METTL5: variants seen among roughly 807,000 people sequenced by gnomAD.
The protein encoded by METTL5 is rRNA N(6)-adenosine-methyltransferase METTL5.
In METTL5, 28 loss-of-function variants were observed where a neutral mutation model predicts 26.5. The observed-to-expected ratio is 1.06, with a 90% CI of 0.78 to 1.45. The LOEUF (loss-of-function observed/expected upper bound fraction) is 1.45, where lower values mean the gene tolerates loss of function less well. Among genes scored for constraint, METTL5 ranks in the 40% most tolerant of loss-of-function variants. The pLI is 0.00. For missense variants in METTL5, 231 were observed against 249.9 expected, an observed-to-expected ratio of 0.92 and a Z score of 0.51; for synonymous variants, 86 against 82.6, an observed-to-expected ratio of 1.04 and a Z score of -0.22.
At chr2:169,821,408 C>A in intron 2 of METTL5, 135 bp from the exon 3 acceptor site, 1 of 522,662 alleles carries the variant, frequency 1.9e-6, no homozygotes, top group Non-Finnish European at 3.2e-6. Flanking sequence ...GTGTTTTCTT[C>A]TTTTTTTTTT....
Position 169,819,618 on chromosome 2 carries a change from A to G in METTL5, c.432T>C (p.Thr144=). 1 of 1,613,246 alleles carries G rather than the reference A, an allele frequency of 6.2e-7. No individual in the cohort carries two copies. Among genetic ancestry groups the G allele is most frequent in the East Asian group, 2.2e-5 (1 of 44,774 alleles). ...CTGCTGTTCTTGCCATTTCCAAAGCAGTCTTTAGAAAAGCCATATCTGTCC... is the reference window on the plus strand; with the variant it reads ...CTGCTGTTCTTGCCATTTCCAAAGCGGTCTTTAGAAAAGCCATATCTGTCC... ...NKGTDMAFLK[T]ALEMARTAVY... The change falls in exon 4 of 7, where the codon ACT becomes ACC. Residue 144 remains threonine (T), a synonymous_variant. Coordinates refer to ENST00000260953, the MANE Select transcript of METTL5 (RefSeq NM_014168.4).
chr2:169,814,468 CAAAAA>C (rs572823948), intron 5 of METTL5, among the ~76,000 whole-genome samples: 1 of 57,544 alleles, frequency 1.7e-5, no homozygotes, highest in Admixed American at 3.2e-4. Flanking sequence ...GGCTTTGTCT[CAAAAA>C]AAAAAAAAGA....
intron 1 of METTL5, among the ~76,000 whole-genome samples, chr2:169,822,603 C>CT (rs1312907691): frequency 3.9e-4 from 58 of 147,440 alleles, no homozygotes; most frequent in Admixed American, 1.1e-3. Context: ...CTTTTTTTTT[C>CT]TTTTTTTTTT....
intron 4 of METTL5, among the ~76,000 whole-genome samples, chr2:169,816,510 C>T (rs1245575165): frequency 2.6e-5 from 4 of 152,116 alleles, no homozygotes; most frequent in Non-Finnish European, 5.9e-5. Context: ...GCAAAAAGAA[C>T]AAAGCTGGAA....
chr2:169,812,601 T>C, intron 5 of METTL5, 95 bp from the exon 6 acceptor site: 1 of 1,373,238 alleles, frequency 7.3e-7, no homozygotes, highest in Middle Eastern at 2.1e-4. Context: ...AAGAAAAGTG[T>C]TAAGTGCTGG....
At chr2:169,822,917 G>T (rs939283561) in intron 1 of METTL5, among the ~76,000 whole-genome samples, 1 of 152,126 alleles carries the variant, frequency 6.6e-6, no homozygotes, top group Non-Finnish European at 1.5e-5. Context: ...CACCACCACC[G>T]ATATTTCCCT....
In METTL5 at chr2:169,824,521, A is replaced by G. The variant is rs1399466328; in HGVS notation, c.77T>C (p.Leu26Pro). 2 of 1,614,094 alleles carry G rather than the reference A, an allele frequency of 1.2e-6. No homozygotes were observed. The highest frequency in any genetic ancestry group is 2.7e-5 in the African/African-American group (2 of 74,932). Residue 26 changes from leucine (L) to proline (P), a missense_variant, in exon 1 of 7, where the codon CTG becomes CCG. Transcript: ENST00000260953. ...VDGFEKPKLL[L>P]EQYPTRPHIA... ...GTGCGGCCTGGTAGGATACTGTTCCAGAAGTAGCTTGGGCTTTTCAAATCC... is the reference window on the plus strand; with the variant it reads ...GTGCGGCCTGGTAGGATACTGTTCCGGAAGTAGCTTGGGCTTTTCAAATCC...
rs2081492515 is a variant in METTL5 at position 169,815,459 on chromosome 2, G to C, written c.541+18C>G. 1 of 1,572,328 alleles carries C rather than the reference G, an allele frequency of 6.4e-7. No homozygotes were observed. Among genetic ancestry groups the C allele is most frequent in the East Asian group, 2.2e-5 (1 of 44,490 alleles). ...ACATGTTGGCCCTTTTGGATATTAGGATTGAGATTTGTCTTACCTGCTATA... is the reference window on the plus strand; with the variant it reads ...ACATGTTGGCCCTTTTGGATATTAGCATTGAGATTTGTCTTACCTGCTATA... On this transcript the variant is annotated intron_variant, in intron 5 of 6. Transcript: ENST00000260953.
In METTL5 at chr2:169,821,975, T is replaced by C. The variant is rs2081591059; in HGVS notation, c.192A>G (p.Val64=). ...CTAACATTGCAGTTCCGATGCTAAG[T>C]ACTCCACAACCACATCCTAGATCTG... ...VVADLGCGCG[V]LSIGTAMLGA... The change falls in exon 2 of 7, where the codon GTA becomes GTG. Residue 64 remains valine (V), a synonymous_variant. Coordinates refer to ENST00000260953, the MANE Select transcript of METTL5 (RefSeq NM_014168.4). The C allele has an allele frequency of 1.2e-6, 2 of 1,613,764 alleles. No homozygotes were observed. Among genetic ancestry groups the C allele is most frequent in the South Asian group, 1.1e-5 (1 of 91,078 alleles).
rs573443842 is a variant in METTL5, at chr2:169,815,953, G to A, written c.490-425C>T. On this transcript the variant is annotated intron_variant, in intron 4 of 6. Coordinates refer to ENST00000260953, the MANE Select transcript of METTL5 (RefSeq NM_014168.4). ...GAATACCATTGTGTTACAATTGCCT[G>A]TAGTATTCAATACAGTAATAGGTTG... Among the ~76,000 whole-genome samples, 11 of 152,196 alleles carry A rather than the reference G, an allele frequency of 7.2e-5. No homozygotes were observed. The East Asian group carries it at 1.5e-3, about 21-fold the overall frequency.
At chr2:169,821,845 T>G in intron 2 of METTL5, 98 bp downstream of exon 2, 1 of 1,098,496 alleles carries the variant, frequency 9.1e-7, no homozygotes, top group Non-Finnish European at 1.3e-6. Flanking sequence ...TCCCTATATC[T>G]CATTCTGTGG....
chr2:169,824,506 G>T lies in METTL5; in HGVS notation c.92C>A (p.Thr31Asn). ...CGCCCTACCTGCAATGTGCGGCCTG[G>T]TAGGATACTGTTCCAGAAGTAGCTT... The part of the protein sequence containing the change: ...KPKLLLEQYP[T>N]RPHIAACMLY... Residue 31 changes from threonine to asparagine, a missense_variant, in exon 1 of 7, where the codon ACC (threonine) becomes AAC (asparagine). Transcript: ENST00000260953. The T allele has an allele frequency of 1.2e-6, 2 of 1,614,100 alleles. No individual in the cohort carries two copies. The highest frequency in any genetic ancestry group is 1.7e-6 in the Non-Finnish European group (2 of 1,179,946).
intron 5 of METTL5, among the ~76,000 whole-genome samples, chr2:169,814,997 T>A (rs1690097801): frequency 6.6e-6 from 1 of 152,106 alleles, no homozygotes. Flanking sequence ...ACTCAAGCGA[T>A]TCTCCCGCCT....
intron 5 of METTL5, chr2:169,813,266 T>G (rs1322732778): frequency 6.6e-6 from 1 of 152,012 alleles, no homozygotes; most frequent in African/African-American, 2.4e-5. Context: ...TAGCTGGGAT[T>G]ACAGGTGCCT....
At chr2:169,821,737 G>A (rs1435594340) in intron 2 of METTL5, among the ~76,000 whole-genome samples, 8 of 152,096 alleles carry the variant, frequency 5.3e-5, no homozygotes, top group Middle Eastern at 3.2e-3. Context: ...ACTCAGGTTT[G>A]TATAAAAGGA....
chr2:169,819,900 G>A (rs1300630063), intron 3 of METTL5, among the ~76,000 whole-genome samples: 1 of 151,570 alleles, frequency 6.6e-6, no homozygotes, highest in Non-Finnish European at 1.5e-5. Context: ...AAAAAGGGGA[G>A]AAGGAAATGC....
At chr2:169,819,678 C>A (rs758733852) in intron 3 of METTL5, 35 bp from the exon 4 acceptor site, 65 of 1,391,448 alleles carry the variant, frequency 4.7e-5, no homozygotes, top group Non-Finnish European at 6.1e-5. Context: ...CTATTTACCT[C>A]TTCTCAAAAC....
chr2:169,815,016 C>A (rs989500542), intron 5 of METTL5, among the ~76,000 whole-genome samples: 1 of 152,046 alleles, frequency 6.6e-6, no homozygotes, highest in African/African-American at 2.4e-5. Flanking sequence ...CTCAGTCTCC[C>A]AAGTAGCTGA....
chr2:169,811,968 CA>C (rs2105707234), intron 6 of METTL5, 110 bp from the exon 7 acceptor site: 2 of 1,252,980 alleles, frequency 1.6e-6, no homozygotes, highest in Admixed American at 4.8e-5. Context: ...ATTCAAATAT[CA>C]AAAGGAAGAT....
Sources: gnomAD v4.1 joint callset for allele counts (sites outside exome capture counted in the v4.1 genomes callset) on GRCh38, gnomAD v4.1.1 for gene constraint, MANE v1.5 for transcripts, NCBI Gene and HGNC (gene_info 2026-07-23, HGNC 2026-07-21) for gene names.